PACRG: variants seen among roughly 807,000 people sequenced by gnomAD.
The protein encoded by PACRG is parkin coregulated, also known as parkin coregulated gene protein.
PACRG carries 29 observed loss-of-function variants against 29.7 expected under a neutral mutation model. The ratio of observed to expected loss-of-function variants is 0.98; its 90% CI spans 0.73 to 1.33. PACRG has a LOEUF of 1.33. PACRG is among the 40% of genes most tolerant of loss of function. PACRG has a pLI of 0.00. For synonymous variants in PACRG, 116 were observed against 118.7 expected, an observed-to-expected ratio of 0.98 and a Z score of 0.15; for missense variants, 279 against 316.2, an observed-to-expected ratio of 0.88 and a Z score of 0.89.
At chr6:163,177,869 A>G (rs758610855) in intron 4 of PACRG, among the ~76,000 whole-genome samples, 2 of 151,724 alleles carry the variant, frequency 1.3e-5, no homozygotes, top group Non-Finnish European at 2.9e-5. Flanking sequence ...GCTTCCCTCC[A>G]TGCACCCCCA....
intron 2 of PACRG, among the ~76,000 whole-genome samples, chr6:162,891,092 GT>G (rs1314017956): frequency 6.6e-6 from 1 of 152,142 alleles, no homozygotes; most frequent in African/African-American, 2.4e-5. Flanking sequence ...GCCAGCTTAG[GT>G]TTAACGACTA....
At chr6:163,226,485 T>G (rs188954478) in intron 4 of PACRG, among the ~76,000 whole-genome samples, 34 of 152,324 alleles carry the variant, frequency 2.2e-4, no homozygotes, top group Non-Finnish European at 1.5e-5. Context: ...TAGTTTTTAT[T>G]TGTCAGTTAG....
chr6:162,934,081 T>C (rs1379578355), intron 2 of PACRG, among the ~76,000 whole-genome samples: 1 of 152,020 alleles, frequency 6.6e-6, no homozygotes, highest in Admixed American at 6.6e-5. Context: ...CTGGCTAACA[T>C]GGTGAAACCC....
At chr6:163,007,871 C>T (rs184335684) in intron 2 of PACRG, among the ~76,000 whole-genome samples, 5 of 152,278 alleles carry the variant, frequency 3.3e-5, no homozygotes, top group Non-Finnish European at 7.4e-5. Flanking sequence ...TCACTGGACA[C>T]TGGGCATTTT....
chr6:163,128,797 T>G (rs1326092307), intron 4 of PACRG, among the ~76,000 whole-genome samples: 2 of 152,176 alleles, frequency 1.3e-5, no homozygotes, highest in African/African-American at 2.4e-5. Context: ...AGATTTGGAA[T>G]CCATTTACCG....
intron 4 of PACRG, among the ~76,000 whole-genome samples, chr6:163,258,741 C>T (rs565118450): frequency 7.6e-4 from 105 of 138,688 alleles, no homozygotes; most frequent in African/African-American, 2.5e-3. Context: ...TGGGTGACAG[C>T]GAGAATCCAT....
At chr6:163,286,405 A>G (rs187519660) in intron 4 of PACRG, among the ~76,000 whole-genome samples, 1 of 152,334 alleles carries the variant, frequency 6.6e-6, no homozygotes, top group Non-Finnish European at 1.5e-5. Context: ...TGTAAAGAGT[A>G]TCAGAGAGGC....
chr6:163,007,368 T>A (rs1007437241), intron 2 of PACRG, among the ~76,000 whole-genome samples: 5 of 152,202 alleles, frequency 3.3e-5, no homozygotes, highest in African/African-American at 1.2e-4. Flanking sequence ...TGCTCTTCAT[T>A]CCTTTATGTA....
intron 1 of PACRG, among the ~76,000 whole-genome samples, chr6:162,803,033 C>G (rs572114288): frequency 6.6e-6 from 1 of 152,224 alleles, no homozygotes; most frequent in East Asian, 1.9e-4. Flanking sequence ...CAGCTTAGAC[C>G]TCTCTAATAA....
chr6:163,256,467 CAAA>C (rs1367256400), intron 4 of PACRG, among the ~76,000 whole-genome samples: 2 of 152,082 alleles, frequency 1.3e-5, no homozygotes, highest in Non-Finnish European at 2.9e-5. Flanking sequence ...AAAAATAAAA[CAAA>C]GAAGGGGAAT....
At chr6:162,767,756 A>C (rs1782910461) in intron 1 of PACRG, among the ~76,000 whole-genome samples, 1 of 151,864 alleles carries the variant, frequency 6.6e-6, no homozygotes, top group Non-Finnish European at 1.5e-5. Flanking sequence ...TTACTTTGTT[A>C]CTTATTATAT....
In PACRG at chr6:162,747,682, C is replaced by T. The variant is rs947031893; in HGVS notation, c.156+19291C>T. On this transcript the variant is annotated intron_variant, in intron 1 of 4. Coordinates refer to ENST00000366888, the MANE Select transcript of PACRG (RefSeq NM_001080379.2). ...GAATCAACCAATCAACCAGATTGAGCGAGCCAGGATAGGACTTAAGCTGAC... is the reference window on the plus strand; with the variant it reads ...GAATCAACCAATCAACCAGATTGAGTGAGCCAGGATAGGACTTAAGCTGAC... 7.3e-5 allele frequency among the ~76,000 whole-genome samples: 11 copies of T among 151,098 alleles called. No individual in the cohort carries two copies. In the East Asian group the frequency reaches 7.9e-4, roughly 11 times the overall value.
Position 162,787,574 on chromosome 6 carries a change from GTGTGTGTGTATA to G in PACRG, c.157-26571_157-26560del, listed in dbSNP as rs1280061082. Among the ~76,000 whole-genome samples the G allele has an allele frequency of 4.1e-3, 247 of 60,354 alleles. 2 individuals carry two copies. Among genetic ancestry groups the G allele is most frequent in the African/African-American group, 0.015 (231 of 14,926 alleles). 39.6% of individuals were successfully genotyped at this position (60,354 alleles called of 152,430 possible). On this transcript the variant is annotated intron_variant, in intron 1 of 4. Coordinates refer to ENST00000366888, the MANE Select transcript of PACRG (RefSeq NM_001080379.2). ...ATATGGTTATTGTGTGTGTGTGTGT[GTGTGTGTGTATA>G]TATATATATATATATATATATATAT...
At chr6:162,876,390 TTC>T (rs1793355506) in intron 2 of PACRG, among the ~76,000 whole-genome samples, 1 of 152,210 alleles carries the variant, frequency 6.6e-6, no homozygotes, top group South Asian at 2.1e-4. Context: ...GGGAGATCTT[TTC>T]TCTCTTTATT....
At chr6:162,793,499 T>C (rs939074752) in intron 1 of PACRG, among the ~76,000 whole-genome samples, 1 of 152,222 alleles carries the variant, frequency 6.6e-6, no homozygotes, top group Non-Finnish European at 1.5e-5. Context: ...ATCCTTGGAA[T>C]ATTGTCTTGT....
chr6:162,848,980 G>T (rs1322058058), intron 2 of PACRG, among the ~76,000 whole-genome samples: 2 of 152,194 alleles, frequency 1.3e-5, no homozygotes, highest in African/African-American at 4.8e-5. Flanking sequence ...GAAAGCGAGA[G>T]ATTTGCAACA....
intron 4 of PACRG, among the ~76,000 whole-genome samples, chr6:163,241,539 C>T (rs1782507508): frequency 6.6e-6 from 1 of 152,080 alleles, no homozygotes; most frequent in South Asian, 2.1e-4. Flanking sequence ...TGCCTGGGGA[C>T]CAGGGTTTTG....
At chr6:163,279,108 G>C (rs964320021) in intron 4 of PACRG, among the ~76,000 whole-genome samples, 1 of 152,138 alleles carries the variant, frequency 6.6e-6, no homozygotes, top group African/African-American at 2.4e-5. Context: ...CTTGTGAAAG[G>C]GGTTGAGTTC....
intron 4 of PACRG, among the ~76,000 whole-genome samples, chr6:163,307,531 G>A (rs1237269802): frequency 6.6e-6 from 1 of 152,178 alleles, no homozygotes; most frequent in Non-Finnish European, 1.5e-5. Context: ...ACACACCCAT[G>A]AACCAAGACT....
Sources: allele counts gnomAD v4.1 joint callset (sites outside exome capture counted in the v4.1 genomes callset), GRCh38; gene constraint gnomAD v4.1.1; transcripts MANE v1.5; gene names NCBI Gene and HGNC (gene_info 2026-07-23, HGNC 2026-07-21).